GBP3: variants seen among roughly 807,000 people sequenced by gnomAD.
The protein encoded by GBP3 is guanylate binding protein 3.
In GBP3, 55 loss-of-function variants were observed where a neutral mutation model predicts 62.4. The observed-to-expected ratio is 0.88, with a 90% confidence interval of 0.71 to 1.10. The LOEUF is 1.10. Among genes scored for constraint, GBP3 ranks in the 50% least tolerant of loss-of-function variants. The probability of loss-of-function intolerance (pLI) is 0.00; values close to 1 mark genes in which losing one functional copy is unlikely to be tolerated. For missense variants in GBP3, 605 were observed against 690.6 expected (o/e 0.88, Z 1.39); for synonymous variants, 208 against 259.2 (o/e 0.80, Z 1.90).
rs774702400 is a variant in GBP3, at chr1:89,015,348, G to C, written c.257C>G (p.Pro86Arg). 3.7e-6 allele frequency: 6 copies of C among 1,613,248 alleles called. No homozygotes were observed. Among genetic ancestry groups the C allele is most frequent in the South Asian group, 1.1e-5 (1 of 90,972 alleles). ...KGIWMWCVPH[P>R]KKPEHTLVLL... ...GACTAAGGTGTGTTCTGGCTTTTTG[G>C]GGTGAGGCACACACCACATCCAGAT... Residue 86 changes from proline to arginine, a missense_variant, in exon 3 of 11, where the codon CCC becomes CGC. Pro to Arg is a moderately radical substitution (Grantham distance 103, BLOSUM62 -2). Transcript: ENST00000370481.
chr1:89,019,894 A>G (rs1557733145), intron 2 of GBP3, among the ~76,000 whole-genome samples: 1 of 152,244 alleles, frequency 6.6e-6, no homozygotes, highest in Non-Finnish European at 1.5e-5. Flanking sequence ...GGTTACAAGG[A>G]TAAATTTTAT....
Position 89,018,136 on chromosome 1 carries a change from A to G in GBP3, c.190+2396T>C, listed in dbSNP as rs563049180. ...GACCCCGTGAAACTATTGCTATGGA[A>G]TAAAAGATGAAATGCTCCTGATTAT... On this transcript the variant is annotated intron_variant, in intron 2 of 10. Transcript: ENST00000370481. 2.0e-5 allele frequency among the ~76,000 whole-genome samples: 3 copies of G among 152,324 alleles called. No homozygotes were observed. The South Asian group carries it at 6.2e-4, about 32-fold the overall frequency.
At chr1:89,009,968 AT>A (rs1294279918) in intron 8 of GBP3, among the ~76,000 whole-genome samples, 1 of 152,120 alleles carries the variant, frequency 6.6e-6, no homozygotes, top group Non-Finnish European at 1.5e-5. Flanking sequence ...AAAACGATGA[AT>A]TACCATTTTT....
chr1:89,022,039 C>CCT (rs1241879439), intron 1 of GBP3, among the ~76,000 whole-genome samples: 2 of 120,602 alleles, frequency 1.7e-5, no homozygotes, highest in African/African-American at 6.0e-5. Context: ...AGGCCACCGC[C>CCT]CTCTCTCTCT....
chr1:89,015,559 T>C (rs1011365821), intron 2 of GBP3, 145 bp from the exon 3 acceptor site: 19 of 596,134 alleles, frequency 3.2e-5, no homozygotes, highest in African/African-American at 2.9e-4. Context: ...ATCAGAAAAA[T>C]AGAAAAATTT....
intron 6 of GBP3, 55 bp from the exon 7 acceptor site, chr1:89,012,082 C>T: frequency 7.3e-7 from 1 of 1,361,696 alleles, no homozygotes; most frequent in Non-Finnish European, 1.0e-6. Flanking sequence ...ACTCTCTATT[C>T]TGTGTAATTC....
rs749127167 is a variant in GBP3 at position 89,014,669 on chromosome 1, A to C, written c.319-13T>G. 3 of 1,613,984 alleles carry C rather than the reference A, an allele frequency of 1.9e-6. No homozygotes were observed. Among genetic ancestry groups the C allele is most frequent in the Non-Finnish European group, 2.5e-6 (3 of 1,179,924 alleles). ...TCTGGTTGTCACCCTGGAAGTCAAG[A>C]CACACTGGAGTCAGGAGCAAGTTTC... is the stretch of plus-strand genomic sequence containing the variant. On this transcript the variant is annotated splice_polypyrimidine_tract_variant and intron_variant, in intron 3 of 10. Transcript: ENST00000370481.
At chr1:89,012,295 T>A (rs1678617130) in intron 6 of GBP3, among the ~76,000 whole-genome samples, 1 of 139,066 alleles carries the variant, frequency 7.2e-6, no homozygotes, top group Non-Finnish European at 1.7e-5. Flanking sequence ...CTGTGTTAGT[T>A]GAATGTTTGC....
intron 2 of GBP3, among the ~76,000 whole-genome samples, chr1:89,017,905 C>T (rs534677199): frequency 6.6e-6 from 1 of 152,120 alleles, no homozygotes; most frequent in African/African-American, 2.4e-5. Context: ...ATGGAGAAAC[C>T]CCATTTACAC....
chr1:89,010,386 C>T lies in GBP3; in HGVS notation c.1362+518G>A, dbSNP rs147245917. ...CTGCCTGCCTCAGCCTCCCAAAGTG[C>T]TGGGATTACAGGCGTGAGCCACTGC... On this transcript the variant is annotated intron_variant, in intron 8 of 10. Coordinates refer to ENST00000370481, the MANE Select transcript of GBP3 (RefSeq NM_018284.3). 1.3e-3 allele frequency among the ~76,000 whole-genome samples: 177 copies of T among 138,132 alleles called. 12 individuals are homozygous for T. The highest frequency in any genetic ancestry group is 4.4e-3 in the African/African-American group (176 of 40,382). 90.6% of individuals were successfully genotyped at this position (138,132 alleles called of 152,430 possible). A position where few individuals can be genotyped will look rare whatever the true frequency, so the allele number is the denominator to read the frequency against.
In GBP3 at chr1:89,015,361, A is replaced by C; in HGVS notation, c.244T>G (p.Cys82Gly). 6.2e-7 allele frequency: 1 copy of C among 1,613,506 alleles called. No individual in the cohort carries two copies. Among genetic ancestry groups the C allele is most frequent in the Non-Finnish European group, 8.5e-7 (1 of 1,179,578 alleles). ...TCTGGCTTTTTGGGGTGAGGCACACACCACATCCAGATTCCTTTGGTGTGA... is the reference window on the plus strand; with the variant it reads ...TCTGGCTTTTTGGGGTGAGGCACACCCCACATCCAGATTCCTTTGGTGTGA... ...KSHTKGIWMW[C>G]VPHPKKPEHT... is the part of the protein sequence containing the mutation. Residue 82 changes from cysteine (C) to glycine (G), a missense_variant, in exon 3 of 11, where the codon TGT becomes GGT. By Grantham distance (159) the Cys-to-Gly change is radical (BLOSUM62 -3). This residue lies in a region of GBP3 where 308 missense variants were observed against 318.0 expected (regional missense o/e 0.97). Coordinates refer to ENST00000370481, the MANE Select transcript of GBP3 (RefSeq NM_018284.3).
chr1:89,015,457 G>A, intron 2 of GBP3, 43 bp from the exon 3 acceptor site: 8 of 1,581,534 alleles, frequency 5.1e-6, no homozygotes, highest in Non-Finnish European at 6.0e-6. Flanking sequence ...AGGTTTAATA[G>A]CAGGTACTTC....
intron 1 of GBP3, among the ~76,000 whole-genome samples, chr1:89,022,284 T>G (rs7530373): frequency 0.053 from 8,015 of 152,274 alleles, 222 homozygotes; most frequent in South Asian, 0.11. Flanking sequence ...AACCCATTTG[T>G]AGCTCTTTCC....
chr1:89,016,528 C>CA (rs1037804529), intron 2 of GBP3, among the ~76,000 whole-genome samples: 3 of 151,896 alleles, frequency 2.0e-5, no homozygotes, highest in African/African-American at 7.3e-5. Flanking sequence ...AACAAACAAA[C>CA]AAAAAACCCA....
intron 6 of GBP3, among the ~76,000 whole-genome samples, chr1:89,012,237 A>G (rs1262506395): frequency 7.2e-6 from 1 of 138,904 alleles, no homozygotes; most frequent in Admixed American, 7.4e-5. Flanking sequence ...CCTAGATGAT[A>G]TGTATGCATA....
rs1678291440 is a variant in GBP3 at position 89,007,647 on chromosome 1, A to G, written c.*77T>C. ...TGATGCAAGATCTAATTATTATCAA[A>G]TATAGTGACACTTGTTCCAAATTCT... On this transcript the variant is annotated 3_prime_UTR_variant, in exon 11 of 11. Coordinates refer to ENST00000370481, the MANE Select transcript of GBP3 (RefSeq NM_018284.3). The G allele has an allele frequency of 7.4e-7, 1 of 1,343,070 alleles. No homozygotes were observed. The highest frequency in any genetic ancestry group is 1.0e-6 in the Non-Finnish European group (1 of 962,778). 83.2% of individuals were successfully genotyped at this position (1,343,070 alleles called of 1,614,324 possible). A position where few individuals can be genotyped will look rare whatever the true frequency, so the allele number is the denominator to read the frequency against.
At position 89,021,544 on chromosome 1, in the gene GBP3, A is replaced by ACACACACCCCC. The variant is rs761151308; in HGVS notation, c.-22-802_-22-801insGGGGGTGTGTG. 1.3e-4 allele frequency among the ~76,000 whole-genome samples: 18 copies of ACACACACCCCC among 141,048 alleles called. No individual in the cohort carries two copies. The South Asian group carries it at 2.4e-3, about 19-fold the overall frequency. The allele number at this position is 141,048 out of a possible 152,430, so 92.5% of individuals were successfully genotyped here. A position where few individuals can be genotyped will look rare whatever the true frequency, so the allele number is the denominator to read the frequency against. On this transcript the variant is annotated intron_variant, in intron 1 of 10. Transcript: ENST00000370481. ...CACACACACACACACACACACACAC[A>ACACACACCCCC]CCCCAAAAAAACCAAACCAAACAAA...
rs1005546235 is a variant in GBP3 at position 89,022,739 on chromosome 1, C to T, written c.-78G>A. 6 of 152,212 alleles carry T rather than the reference C, an allele frequency of 3.9e-5. No homozygotes were observed. The highest frequency in any genetic ancestry group is 1.9e-4 in the East Asian group (1 of 5,198). 9.4% of individuals were successfully genotyped at this position (152,212 alleles called of 1,614,324 possible). On this transcript the variant is annotated 5_prime_UTR_variant, in exon 1 of 11. Transcript: ENST00000370481. The stretch of plus-strand genomic sequence containing the variant: ...TGTTTCTGTCACTTCTCTTTTCTTT[C>T]GCTGGATCGCTGGACTTTTATTTCA...
At position 89,007,697 on chromosome 1, in the gene GBP3, G is replaced by T. The variant is rs766013708; in HGVS notation, c.*27C>A. ...TAAAATTGTTTCAGTTATGCCTTGG[G>T]TTAGGATGACAGAAAAGCTCTGTTG... is the stretch of plus-strand genomic sequence containing the variant. On this transcript the variant is annotated 3_prime_UTR_variant, in exon 11 of 11. Coordinates refer to ENST00000370481, the MANE Select transcript of GBP3 (RefSeq NM_018284.3). The T allele has an allele frequency of 6.3e-7, 1 of 1,598,278 alleles. No homozygotes were observed. The highest frequency in any genetic ancestry group is 1.1e-5 in the South Asian group (1 of 87,358).
Sources: gnomAD v4.1 joint callset for allele counts (sites outside exome capture counted in the v4.1 genomes callset) on GRCh38, gnomAD v4.1.1 for gene constraint, gnomAD v4.1.1 regional missense constraint, MANE v1.5 for transcripts, NCBI Gene and HGNC (gene_info 2026-07-23, HGNC 2026-07-21) for gene names.